The following CEP135 variants were observed in gnomAD, a reference collection of about 807,000 sequenced individuals.
CEP135 encodes the protein centrosomal protein 135, also known as centrosomal protein of 135 kDa.
CEP135 carries 142 observed loss-of-function variants against 157.3 expected under a neutral mutation model. The observed-to-expected ratio is 0.90, with a 90% CI of 0.79 to 1.04. The LOEUF (loss-of-function observed/expected upper bound fraction) is 1.04, where lower values mean the gene tolerates loss of function less well. Among genes scored for constraint, CEP135 ranks in the 50% least tolerant of loss-of-function variants. CEP135 has a pLI of 0.00. For synonymous variants in CEP135, 396 were observed against 439.8 expected (o/e 0.90, Z 1.25); for missense variants, 1,317 against 1,309.2 (o/e 1.01, Z -0.09).
chr4:56,010,076 G>C (rs944070198), intron 19 of CEP135, among the ~76,000 whole-genome samples, 173 bp downstream of exon 19: 1 of 152,090 alleles, frequency 6.6e-6, no homozygotes, highest in Non-Finnish European at 1.5e-5. Flanking sequence ...TAGGCCGGGC[G>C]CAGTGGCTCA....
rs191209498 is a variant in CEP135, at chr4:55,991,436, T to C, written c.1858-498T>C. ...GAATTTACTATTATTTGAGGAAATTTTAGTGTATTTACAATATTGTGCTCC... is the reference window on the plus strand; with the variant it reads ...GAATTTACTATTATTTGAGGAAATTCTAGTGTATTTACAATATTGTGCTCC... On this transcript the variant is annotated intron_variant, in intron 14 of 25. Coordinates refer to ENST00000257287, the MANE Select transcript of CEP135 (RefSeq NM_025009.5). Among the ~76,000 whole-genome samples the C allele has an allele frequency of 2.0e-3, 297 of 152,210 alleles. 2 individuals carry two copies. Among genetic ancestry groups the C allele is most frequent in the Middle Eastern group, 6.8e-3 (2 of 294 alleles).
chr4:55,976,731 G>A (rs909701964), intron 11 of CEP135, among the ~76,000 whole-genome samples: 2 of 152,172 alleles, frequency 1.3e-5, no homozygotes, highest in African/African-American at 4.8e-5. Flanking sequence ...GTAAGTACCT[G>A]AATGAAATGG....
intron 14 of CEP135, among the ~76,000 whole-genome samples, chr4:55,987,881 G>C (rs1188133605): frequency 6.6e-6 from 1 of 152,122 alleles, no homozygotes; most frequent in Non-Finnish European, 1.5e-5. Context: ...ATGTGGGAGA[G>C]AGAGTATTTG....
chr4:56,011,559 GTTTT>G (rs371011577), intron 20 of CEP135, 37 bp downstream of exon 20: 20 of 1,149,092 alleles, frequency 1.7e-5, no homozygotes, highest in Admixed American at 2.6e-5. Flanking sequence ...TAAGACTGAG[GTTTT>G]TTTTTTTTTT....
At position 55,974,829 on chromosome 4, in the gene CEP135, A is replaced by G; in HGVS notation, c.1333A>G (p.Thr445Ala). 6.2e-7 allele frequency: 1 copy of G among 1,613,896 alleles called. No homozygotes were observed. The highest frequency in any genetic ancestry group is 8.5e-7 in the Non-Finnish European group (1 of 1,179,876). Residue 445 changes from threonine to alanine, a missense_variant, in exon 11 of 26, where the codon ACA becomes GCA. Physicochemically the swap from Thr to Ala is moderately conservative, Grantham distance 58 (BLOSUM62 0). Transcript: ENST00000257287. Reference protein sequence around the residue: ...RRDRSPSRLDTFLKGIEEERD... With the variant: ...RRDRSPSRLDAFLKGIEEERD... ...AGACAGGTCACCTTCTCGTTTAGAT[A>G]CATTTCTGAAAGGTATAGAAGAAGA... is the stretch of plus-strand genomic sequence containing the variant.
chr4:56,031,661 T>C lies in CEP135; in HGVS notation c.*313T>C, dbSNP rs1252361698. 1.3e-5 allele frequency: 2 copies of C among 152,296 alleles called. No homozygotes were observed. Among genetic ancestry groups the C allele is most frequent in the African/African-American group, 4.8e-5 (2 of 41,574 alleles). The allele number at this position is 152,296 out of a possible 1,614,324, so 9.4% of individuals were successfully genotyped here. Reference sequence around the variant, plus strand: ...TATACTGTGAATTAATATAATGTATTCACATTATTCTTTAATAATCTGTTT... The same window carrying C: ...TATACTGTGAATTAATATAATGTATCCACATTATTCTTTAATAATCTGTTT... On this transcript the variant is annotated 3_prime_UTR_variant, in exon 26 of 26. Transcript: ENST00000257287.
intron 5 of CEP135, among the ~76,000 whole-genome samples, chr4:55,959,255 T>A (rs1728603572): frequency 6.6e-6 from 1 of 152,222 alleles, no homozygotes; most frequent in African/African-American, 2.4e-5. Context: ...TTACATATGA[T>A]CTTTTTTCCA....
At chr4:56,003,804 T>C (rs1339300368) in intron 17 of CEP135, among the ~76,000 whole-genome samples, 1 of 152,076 alleles carries the variant, frequency 6.6e-6, no homozygotes, top group East Asian at 1.9e-4. Flanking sequence ...CATTGCAGCC[T>C]TGACCTTTCA....
chr4:55,968,398 T>C (rs895198937), intron 8 of CEP135, among the ~76,000 whole-genome samples: 5 of 144,680 alleles, frequency 3.5e-5, no homozygotes, highest in South Asian at 2.3e-4. Context: ...TTTGCAAAAA[T>C]AGAAGAAACT....
intron 13 of CEP135, among the ~76,000 whole-genome samples, chr4:55,984,816 G>A: frequency 6.6e-6 from 1 of 152,126 alleles, no homozygotes; most frequent in Non-Finnish European, 1.5e-5. Context: ...TTATACTGTT[G>A]ACCAGCCCCT....
intron 14 of CEP135, 43 bp from the exon 15 acceptor site, chr4:55,991,891 C>G (rs200426849): frequency 1.6e-5 from 15 of 935,912 alleles, no homozygotes; most frequent in Middle Eastern, 6.8e-4. Flanking sequence ...ATATCATTAA[C>G]GTATTAAGAT....
intron 15 of CEP135, among the ~76,000 whole-genome samples, chr4:55,994,086 A>G (rs1197701184): frequency 6.6e-6 from 1 of 152,046 alleles, no homozygotes; most frequent in African/African-American, 2.4e-5. Flanking sequence ...AAACCATTGA[A>G]TCCAAGTCTA....
rs78582647 is a variant in CEP135, at chr4:55,984,993, A to G, written c.1780-288A>G. On this transcript the variant is annotated intron_variant, in intron 13 of 25. Transcript: ENST00000257287. ...TTTGTCCTTTTATAGTTGTGCTATT[A>G]TGGATTAATCTGTATAAATCTTTAT... Among the ~76,000 whole-genome samples the G allele has an allele frequency of 0.038, 5,744 of 152,288 alleles. 355 individuals carry two copies. Among genetic ancestry groups the G allele is most frequent in the Admixed American group, 0.17 (2,529 of 15,282 alleles).
chr4:55,974,092 A>G (rs757276070), intron 10 of CEP135, among the ~76,000 whole-genome samples: 1 of 152,180 alleles, frequency 6.6e-6, no homozygotes, highest in Non-Finnish European at 1.5e-5. Context: ...TGCTTTTTAT[A>G]CTGTATCCTT....
In CEP135 at chr4:55,985,345, G is replaced by A; in HGVS notation, c.1844G>A (p.Cys615Tyr). ...ELEKTIEHLT[C>Y]VNHQLESEKY... is the part of the protein sequence containing the mutation. ...GAGAAAACTATTGAACATTTGACATGTGTTAATCATCAGGTAATGTATCAA... is the reference window on the plus strand; with the variant it reads ...GAGAAAACTATTGAACATTTGACATATGTTAATCATCAGGTAATGTATCAA... Residue 615 changes from cysteine (C) to tyrosine (Y), a missense_variant, in exon 14 of 26, where the codon TGT (cysteine) becomes TAT (tyrosine). Cys to Tyr is a radical substitution (Grantham distance 194). Transcript: ENST00000257287. 6.3e-7 allele frequency: 1 copy of A among 1,585,608 alleles called. No homozygotes were observed. Among genetic ancestry groups the A allele is most frequent in the Non-Finnish European group, 8.6e-7 (1 of 1,156,824 alleles).
rs966693925 is a variant in CEP135, at chr4:55,980,169, G to C, written c.1500G>C (p.Gln500His). Residue 500 changes from glutamine (Q) to histidine (H), a missense_variant, in exon 12 of 26, where the codon CAG becomes CAC. Transcript: ENST00000257287. ...GTGATTACAATTCAGAAATTCATCAGATCACAAGAGAAAGAGATGAACTTC... is the reference window on the plus strand; with the variant it reads ...GTGATTACAATTCAGAAATTCATCACATCACAAGAGAAAGAGATGAACTTC... ...EKGDYNSEIHQITRERDELQR... is the reference protein window; with the variant it reads ...EKGDYNSEIHHITRERDELQR... The C allele has an allele frequency of 1.2e-6, 2 of 1,609,878 alleles. No homozygotes were observed. Among genetic ancestry groups the C allele is most frequent in the Non-Finnish European group, 1.7e-6 (2 of 1,178,166 alleles).
intron 21 of CEP135, among the ~76,000 whole-genome samples, chr4:56,014,339 A>G (rs1730695641): frequency 6.6e-6 from 1 of 152,204 alleles, no homozygotes; most frequent in Non-Finnish European, 1.5e-5. Context: ...AAAAGCCCAG[A>G]TTGCCTTGAA....
chr4:56,017,314 C>A (rs1262476865), intron 21 of CEP135, among the ~76,000 whole-genome samples: 1 of 151,940 alleles, frequency 6.6e-6, no homozygotes, highest in Non-Finnish European at 1.5e-5. Context: ...ATTATTATAA[C>A]AAAGATAATT....
At chr4:55,975,940 G>A (rs60921598) in intron 11 of CEP135, among the ~76,000 whole-genome samples, 4,236 of 152,128 alleles carry the variant, frequency 0.028, 204 homozygotes, top group African/African-American at 0.096. Context: ...GTCAGTGTAA[G>A]CACTATACTA....
Sources: allele counts gnomAD v4.1 joint callset (sites outside exome capture counted in the v4.1 genomes callset), GRCh38; gene constraint gnomAD v4.1.1; transcripts MANE v1.5; gene names NCBI Gene and HGNC (gene_info 2026-07-23, HGNC 2026-07-21).